The following CDK14 variants were observed in gnomAD, a reference collection of about 807,000 sequenced individuals.
CDK14 encodes the protein cyclin-dependent kinase 14.
In CDK14, 34 loss-of-function variants were observed where a neutral mutation model predicts 60.7. The ratio of observed to expected loss-of-function variants is 0.56; its 90% CI spans 0.43 to 0.75. CDK14 has a LOEUF of 0.75. CDK14 is among the 30% of genes least tolerant of loss of function. CDK14 has a pLI of 0.00. For synonymous variants in CDK14, 197 were observed against 203.7 expected (o/e 0.97, Z 0.28); for missense variants, 482 against 564.1 (o/e 0.85, Z 1.47).
At chr7:91,001,353 A>G (rs1795828340) in intron 10 of CDK14, among the ~76,000 whole-genome samples, 1 of 152,194 alleles carries the variant, frequency 6.6e-6, no homozygotes, top group South Asian at 2.1e-4. Context: ...TAGTCCTGCT[A>G]CTGACTCTCA....
In CDK14 at chr7:90,596,405, C is replaced by A. The variant is rs1027962086; in HGVS notation, c.-223C>A. ...GCGAGCGCGGCCGCCCCCGGCACCA[C>A]GTAAACCGCCCCCGCCCGCCCAGCT... On this transcript the variant is annotated 5_prime_UTR_variant, in exon 1 of 15. Coordinates refer to ENST00000380050, the MANE Select transcript of CDK14 (RefSeq NM_001287135.2). The A allele has an allele frequency of 1.4e-5, 4 of 279,530 alleles. No homozygotes were observed. The highest frequency in any genetic ancestry group is 2.7e-5 in the Non-Finnish European group (4 of 150,418). 17.3% of individuals were successfully genotyped at this position (279,530 alleles called of 1,614,324 possible).
chr7:91,029,139 T>TTCA (rs1206665453), intron 10 of CDK14, among the ~76,000 whole-genome samples: 10 of 152,180 alleles, frequency 6.6e-5, no homozygotes, highest in Non-Finnish European at 1.3e-4. Context: ...GACTTTTGTA[T>TTCA]ATGGTGATAG....
Position 90,596,591 on chromosome 7 carries a change from CAGTTTGGGGAAGTTGTCGGGGCTCCGCG to C in CDK14, c.-36_-9del, listed in dbSNP as rs758981838. On this transcript the variant is annotated 5_prime_UTR_variant, in exon 1 of 15. Transcript: ENST00000380050. ...GCCGTTGTCTGAGCTGTGCCTGGACCAGTTTGGGGAAGTTGTCGGGGCTCCGCGTCGCCCAGATGTGTGACCTCATTGA... is the reference window on the plus strand; with the variant it reads ...GCCGTTGTCTGAGCTGTGCCTGGACCTCGCCCAGATGTGTGACCTCATTGA... 6.4e-7 allele frequency: 1 copy of C among 1,573,558 alleles called. No individual in the cohort carries two copies. Among genetic ancestry groups the C allele is most frequent in the South Asian group, 1.1e-5 (1 of 90,094 alleles).
At chr7:90,709,856 G>A (rs1011351980) in intron 2 of CDK14, 2 of 1,381,132 alleles carry the variant, frequency 1.4e-6, no homozygotes, top group African/African-American at 3.0e-5. Context: ...AGAAAGATGT[G>A]AATTCAGTTG....
intron 5 of CDK14, among the ~76,000 whole-genome samples, chr7:90,816,431 G>A (rs768454934): frequency 6.6e-6 from 1 of 152,200 alleles, no homozygotes; most frequent in Non-Finnish European, 1.5e-5. Context: ...TCTGTGCGGT[G>A]TCAGTTTCTA....
At chr7:90,971,403 A>G (rs1289122088) in intron 9 of CDK14, among the ~76,000 whole-genome samples, 2 of 151,848 alleles carry the variant, frequency 1.3e-5, no homozygotes, top group Non-Finnish European at 2.9e-5. Context: ...GGTGGTAATT[A>G]CTCTGCCTGA....
At chr7:90,782,272 C>T (rs954848835) in intron 4 of CDK14, among the ~76,000 whole-genome samples, 24 of 151,986 alleles carry the variant, frequency 1.6e-4, no homozygotes, top group Admixed American at 2.6e-4. Flanking sequence ...GATTTTATAC[C>T]TGAGACTTTG....
intron 14 of CDK14, among the ~76,000 whole-genome samples, chr7:91,171,934 C>G (rs4727249): frequency 0.036 from 5,433 of 152,216 alleles, 168 homozygotes; most frequent in South Asian, 0.088. Context: ...GCCACTGCAC[C>G]CGGCCCATAT....
intron 14 of CDK14, among the ~76,000 whole-genome samples, chr7:91,173,545 C>T (rs1356543271): frequency 2.0e-5 from 3 of 152,116 alleles, no homozygotes; most frequent in Non-Finnish European, 2.9e-5. Flanking sequence ...TCTGAGGTAC[C>T]GGGTTCATCT....
chr7:90,649,691 G>C (rs920618791), intron 2 of CDK14, among the ~76,000 whole-genome samples: 2 of 151,700 alleles, frequency 1.3e-5, no homozygotes, highest in African/African-American at 4.8e-5. Context: ...CTTCCCACCT[G>C]TGAGTGAGAA....
At chr7:90,986,029 G>A (rs1795364452) in intron 10 of CDK14, among the ~76,000 whole-genome samples, 1 of 151,670 alleles carries the variant, frequency 6.6e-6, no homozygotes, top group African/African-American at 2.4e-5. Context: ...TCTAGTATTT[G>A]GACATATATC....
chr7:90,676,602 G>A (rs1801204096), intron 2 of CDK14, among the ~76,000 whole-genome samples: 1 of 150,784 alleles, frequency 6.6e-6, no homozygotes, highest in African/African-American at 2.4e-5. Flanking sequence ...GCGTGATCTC[G>A]GCTCACTGCA....
intron 14 of CDK14, among the ~76,000 whole-genome samples, chr7:91,160,919 A>G (rs1301492903): frequency 2.0e-5 from 3 of 152,202 alleles, no homozygotes; most frequent in African/African-American, 7.2e-5. Context: ...GTTTATCATG[A>G]GGCTGGAGGC....
chr7:91,023,891 G>A (rs1796499119), intron 10 of CDK14, among the ~76,000 whole-genome samples: 1 of 152,134 alleles, frequency 6.6e-6, no homozygotes, highest in African/African-American at 2.4e-5. Context: ...TCCTGCCTCA[G>A]CCTCCCAAGT....
chr7:90,827,725 T>C (rs978857851), intron 5 of CDK14, among the ~76,000 whole-genome samples: 7 of 152,192 alleles, frequency 4.6e-5, no homozygotes, highest in Non-Finnish European at 1.0e-4. Flanking sequence ...CTTAATCCAT[T>C]CCAATTTTTG....
chr7:91,150,430 A>ATT (rs931578372), intron 14 of CDK14, among the ~76,000 whole-genome samples: 2 of 150,474 alleles, frequency 1.3e-5, no homozygotes, highest in African/African-American at 2.4e-5. Flanking sequence ...AACAGTTGTG[A>ATT]TTTTTTTTTT....
At chr7:90,638,380 T>C (rs1800214838) in intron 2 of CDK14, among the ~76,000 whole-genome samples, 1 of 152,224 alleles carries the variant, frequency 6.6e-6, no homozygotes, top group Admixed American at 6.5e-5. Flanking sequence ...TATTTCTTCT[T>C]CACTTATGAA....
chr7:91,182,380 C>A (rs566637862), intron 14 of CDK14, among the ~76,000 whole-genome samples: 2 of 150,508 alleles, frequency 1.3e-5, no homozygotes, highest in Non-Finnish European at 3.0e-5. Context: ...GTTTTTTTTT[C>A]TTTTTAGGAT....
At chr7:90,955,395 A>G (rs987458380) in intron 8 of CDK14, among the ~76,000 whole-genome samples, 43 of 152,176 alleles carry the variant, frequency 2.8e-4, no homozygotes, top group Non-Finnish European at 6.0e-4. Flanking sequence ...GAAAAATTCA[A>G]GAGACTTCTA....
Sources: gnomAD v4.1 joint callset for allele counts (sites outside exome capture counted in the v4.1 genomes callset) on GRCh38, gnomAD v4.1.1 for gene constraint, MANE v1.5 for transcripts, NCBI Gene and HGNC (gene_info 2026-07-23, HGNC 2026-07-21) for gene names.